The following PCOLCE2 variants were observed in gnomAD, a reference collection of about 807,000 sequenced individuals.
The protein encoded by PCOLCE2 is procollagen C-endopeptidase enhancer 2.
A neutral mutation model predicts 47.0 loss-of-function variants in PCOLCE2; 42 were observed. The ratio of observed to expected loss-of-function variants is 0.89; its 90% CI spans 0.70 to 1.16. The LOEUF is 1.16. PCOLCE2 is among the 50% of genes most tolerant of loss of function. PCOLCE2 has a pLI of 0.00. For missense variants in PCOLCE2, 500 were observed against 526.1 expected, an observed-to-expected ratio of 0.95 and a Z score of 0.49; for synonymous variants, 169 against 191.7, an observed-to-expected ratio of 0.88 and a Z score of 0.98.
Position 142,870,489 on chromosome 3 carries a change from G to A in PCOLCE2, c.192+17180C>T, listed in dbSNP as rs141980399. Among the ~76,000 whole-genome samples, 254 of 152,228 alleles carry A rather than the reference G, an allele frequency of 1.7e-3. 1 individual carries two copies. Among genetic ancestry groups the A allele is most frequent in the African/African-American group, 5.7e-3 (237 of 41,522 alleles). ...TGAAGAGTGAAGAAAAACATCAAGC[G>A]TTAGGAAGACTCCAAACTCTCAGCA... On this transcript the variant is annotated intron_variant, in intron 2 of 8. Transcript: ENST00000295992.
chr3:142,839,793 C>G (rs990342387), intron 4 of PCOLCE2, among the ~76,000 whole-genome samples: 1 of 152,006 alleles, frequency 6.6e-6, no homozygotes, highest in African/African-American at 2.4e-5. Flanking sequence ...TTTCACTTGT[C>G]AACTATACCT....
At chr3:142,858,667 C>A (rs1184606783) in intron 2 of PCOLCE2, among the ~76,000 whole-genome samples, 1 of 152,062 alleles carries the variant, frequency 6.6e-6, no homozygotes, top group Non-Finnish European at 1.5e-5. Flanking sequence ...TGTTCATATG[C>A]CCGTCCCAAG....
At chr3:142,841,145 T>C (rs910530277) in intron 4 of PCOLCE2, among the ~76,000 whole-genome samples, 23 of 149,742 alleles carry the variant, frequency 1.5e-4, no homozygotes, top group South Asian at 2.1e-4. Context: ...AAGAAGAAGA[T>C]AAAGGAAAAG....
Position 142,848,260 on chromosome 3 carries a change from A to G in PCOLCE2, c.405T>C (p.Asn135=), listed in dbSNP as rs923630956. ...CAGCGGAGAACATGGCCATGAAGCC[A>G]TTGCCAGCTGTGTTGGCATCAGAAA... is the stretch of plus-strand genomic sequence containing the variant. ...QMISDANTAG[N]GFMAMFSAAE... The change falls in exon 3 of 9, where the codon AAT becomes AAC. Residue 135 remains asparagine, a synonymous_variant. Transcript: ENST00000295992. 6.2e-7 allele frequency: 1 copy of G among 1,614,092 alleles called. No homozygotes were observed. Among genetic ancestry groups the G allele is most frequent in the African/African-American group, 1.3e-5 (1 of 74,944 alleles).
intron 3 of PCOLCE2, among the ~76,000 whole-genome samples, chr3:142,844,357 A>G (rs1169333305): frequency 6.6e-6 from 1 of 152,186 alleles, no homozygotes; most frequent in Non-Finnish European, 1.5e-5. Flanking sequence ...TTGTGAATGA[A>G]GCTGCTATGA....
intron 6 of PCOLCE2, among the ~76,000 whole-genome samples, chr3:142,829,451 T>C (rs185907308): frequency 3.7e-4 from 57 of 152,262 alleles, no homozygotes; most frequent in Non-Finnish European, 2.8e-4. Context: ...TCTAATAGGC[T>C]TCCTAGTCAT....
At chr3:142,881,867 T>C (rs1221776080) in intron 2 of PCOLCE2, among the ~76,000 whole-genome samples, 2 of 152,234 alleles carry the variant, frequency 1.3e-5, no homozygotes, top group East Asian at 1.9e-4. Flanking sequence ...GATCTTTCTA[T>C]GTAAGACAAC....
At chr3:142,839,899 C>T (rs1223223341) in intron 4 of PCOLCE2, among the ~76,000 whole-genome samples, 4 of 152,090 alleles carry the variant, frequency 2.6e-5, no homozygotes, top group Non-Finnish European at 5.9e-5. Flanking sequence ...GGCTACATAC[C>T]TTAATAGAAG....
chr3:142,829,335 G>A (rs988206502), intron 6 of PCOLCE2, among the ~76,000 whole-genome samples: 1 of 148,868 alleles, frequency 6.7e-6, no homozygotes, highest in Admixed American at 6.7e-5. Flanking sequence ...CAGATAGCAA[G>A]GCCCTAGAAC....
At chr3:142,833,964 C>T (rs1167568276) in intron 5 of PCOLCE2, among the ~76,000 whole-genome samples, 1 of 152,070 alleles carries the variant, frequency 6.6e-6, no homozygotes, top group Non-Finnish European at 1.5e-5. Context: ...ATCCATCTGT[C>T]ATTGATTTTT....
intron 6 of PCOLCE2, among the ~76,000 whole-genome samples, chr3:142,825,203 G>A (rs530155712): frequency 3.3e-5 from 5 of 152,142 alleles, no homozygotes; most frequent in East Asian, 1.9e-4. Context: ...GATGGTGAGC[G>A]CCCTTTCCCG....
intron 2 of PCOLCE2, among the ~76,000 whole-genome samples, chr3:142,859,957 A>C (rs1184891532): frequency 6.6e-6 from 1 of 152,258 alleles, no homozygotes; most frequent in East Asian, 1.9e-4. Flanking sequence ...ATATGTGAGC[A>C]TCCAATGTTC....
At chr3:142,872,685 C>T (rs59037380) in intron 2 of PCOLCE2, among the ~76,000 whole-genome samples, 5,313 of 152,208 alleles carry the variant, frequency 0.035, 296 homozygotes, top group African/African-American at 0.12. Flanking sequence ...CAAATAACCC[C>T]TAAGGGAAAA....
At chr3:142,852,423 C>T (rs552269158) in intron 2 of PCOLCE2, among the ~76,000 whole-genome samples, 4 of 152,074 alleles carry the variant, frequency 2.6e-5, no homozygotes, top group African/African-American at 9.6e-5. Context: ...ATAAAAAATA[C>T]AGAAAGATAC....
intron 2 of PCOLCE2, among the ~76,000 whole-genome samples, chr3:142,853,404 C>T (rs1932994553): frequency 6.6e-6 from 1 of 152,156 alleles, no homozygotes; most frequent in Non-Finnish European, 1.5e-5. Flanking sequence ...GATGGCTCAG[C>T]CCACTCACTG....
At chr3:142,872,885 C>T (rs1933421684) in intron 2 of PCOLCE2, among the ~76,000 whole-genome samples, 1 of 152,028 alleles carries the variant, frequency 6.6e-6, no homozygotes, top group Non-Finnish European at 1.5e-5. Context: ...TAAAGAATTT[C>T]CCCAAAAAAA....
At chr3:142,863,502 G>A (rs1933221827) in intron 2 of PCOLCE2, among the ~76,000 whole-genome samples, 1 of 152,196 alleles carries the variant, frequency 6.6e-6, no homozygotes. Context: ...TCAGATAGAT[G>A]GGACATGGAA....
At chr3:142,877,051 A>C (rs886771454) in intron 2 of PCOLCE2, among the ~76,000 whole-genome samples, 5 of 152,204 alleles carry the variant, frequency 3.3e-5, no homozygotes, top group African/African-American at 9.7e-5. Flanking sequence ...TATTAGGAAT[A>C]AATGAATACA....
chr3:142,827,506 T>C, intron 6 of PCOLCE2: 1 of 1,490,622 alleles, frequency 6.7e-7, no homozygotes, highest in Admixed American at 1.7e-5. Flanking sequence ...TGCTACGGCC[T>C]CCAGGCTTCT....
Sources: gnomAD v4.1 joint callset for allele counts (sites outside exome capture counted in the v4.1 genomes callset) on GRCh38, gnomAD v4.1.1 for gene constraint, MANE v1.5 for transcripts, NCBI Gene and HGNC (gene_info 2026-07-23, HGNC 2026-07-21) for gene names.